Variants in LMNTD1 observed in about 807,000 individuals in gnomAD.
LMNTD1 encodes lamin tail domain-containing protein 1.
A neutral mutation model predicts 50.9 loss-of-function variants in LMNTD1; 35 were observed. That is an observed-to-expected ratio of 0.69 (90% CI 0.53 to 0.91). LMNTD1 has a LOEUF of 0.91. LMNTD1 is among the 40% of genes least tolerant of loss of function. LMNTD1 has a pLI of 0.00. For synonymous variants in LMNTD1, 153 were observed against 161.9 expected (o/e 0.94, Z 0.42); for missense variants, 470 against 475.5 (o/e 0.99, Z 0.11).
chr12:25,540,775 G>C (rs1373719964), intron 4 of LMNTD1, among the ~76,000 whole-genome samples: 3 of 135,464 alleles, frequency 2.2e-5, no homozygotes, highest in African/African-American at 8.1e-5. Context: ...AGGAAAAGAG[G>C]AAGTCAAACT....
At chr12:25,531,255 A>G (rs1425992348) in intron 4 of LMNTD1, among the ~76,000 whole-genome samples, 1 of 152,244 alleles carries the variant, frequency 6.6e-6, no homozygotes, top group African/African-American at 2.4e-5. Context: ...TTTATGGCCT[A>G]GAGAACTATG....
chr12:25,562,477 G>C (rs1944373664), intron 1 of LMNTD1, among the ~76,000 whole-genome samples: 1 of 152,180 alleles, frequency 6.6e-6, no homozygotes, highest in African/African-American at 2.4e-5. Context: ...ACTCTCTTCT[G>C]GCTTGGAGAG....
chr12:25,522,066 C>T (rs1160526922), intron 6 of LMNTD1, among the ~76,000 whole-genome samples: 1 of 152,168 alleles, frequency 6.6e-6, no homozygotes, highest in Non-Finnish European at 1.5e-5. Flanking sequence ...CTTTGAACAT[C>T]CCTCTGCTTG....
intron 1 of LMNTD1, among the ~76,000 whole-genome samples, chr12:25,613,442 ACTT>A (rs1946290181): frequency 6.6e-6 from 1 of 152,194 alleles, no homozygotes; most frequent in Non-Finnish European, 1.5e-5. Flanking sequence ...TGATCAATCT[ACTT>A]CTTGCAGTTG....
chr12:25,570,664 G>C (rs10505965), intron 1 of LMNTD1, among the ~76,000 whole-genome samples: 8,842 of 152,162 alleles, frequency 0.058, 337 homozygotes, highest in South Asian at 0.13. Context: ...GGAGAGCCTT[G>C]AACACCAGGC....
At chr12:25,550,337 A>T (rs1311682730) in intron 2 of LMNTD1, among the ~76,000 whole-genome samples, 1 of 152,160 alleles carries the variant, frequency 6.6e-6, no homozygotes, top group Non-Finnish European at 1.5e-5. Context: ...AAGACTTAGG[A>T]CGTTTCATTT....
chr12:25,618,256 T>A (rs551308040), intron 1 of LMNTD1, among the ~76,000 whole-genome samples: 195 of 152,286 alleles, frequency 1.3e-3, no homozygotes, highest in Non-Finnish European at 2.4e-3. Flanking sequence ...TTTTAGAAAG[T>A]TCCAAGTGCC....
chr12:25,577,174 G>C (rs1945061027), intron 1 of LMNTD1, among the ~76,000 whole-genome samples: 1 of 152,236 alleles, frequency 6.6e-6, no homozygotes, highest in African/African-American at 2.4e-5. Flanking sequence ...TGGCAATGCA[G>C]TCTCTTTATT....
intron 1 of LMNTD1, chr12:25,630,766 G>C (rs1946699960): frequency 6.6e-6 from 1 of 152,452 alleles, no homozygotes; most frequent in Admixed American, 6.5e-5. Flanking sequence ...ACTTCACAGG[G>C]AGAAGGAAAT....
chr12:25,646,638 C>G (rs946834965), intron 1 of LMNTD1, among the ~76,000 whole-genome samples: 2 of 152,124 alleles, frequency 1.3e-5, no homozygotes, highest in Non-Finnish European at 2.9e-5. Context: ...AAAAGGTAGC[C>G]TGGGAGTATG....
Position 25,494,861 on chromosome 12 carries a change from A to C in LMNTD1, c.*22+8877T>G, listed in dbSNP as rs562358947. ...CATTTGTTTCGTGGCAAAAACATAT[A>C]AGATCTACTCTTTTAGCAACTTTCA... On this transcript the variant is annotated intron_variant, in intron 9 of 9. Transcript: ENST00000458174. Among the ~76,000 whole-genome samples the C allele has an allele frequency of 1.4e-4, 22 of 152,272 alleles. No homozygotes were observed. In the South Asian group the frequency reaches 4.4e-3, roughly 30 times the overall value.
At chr12:25,630,191 TA>T (rs1256188793) in intron 1 of LMNTD1, among the ~76,000 whole-genome samples, 1 of 151,874 alleles carries the variant, frequency 6.6e-6, no homozygotes, top group Non-Finnish European at 1.5e-5. Flanking sequence ...ATCAAACAAA[TA>T]AAAAAACAAA....
Position 25,608,398 on chromosome 12 carries a change from C to T in LMNTD1, c.58+40096G>A, listed in dbSNP as rs375795796. 4.6e-5 allele frequency among the ~76,000 whole-genome samples: 7 copies of T among 152,090 alleles called. No individual in the cohort carries two copies. The East Asian group carries it at 5.8e-4, about 13-fold the overall frequency. On this transcript the variant is annotated intron_variant, in intron 1 of 7. Coordinates refer to the LMNTD1 transcript ENST00000445693. The stretch of plus-strand genomic sequence containing the variant: ...TTATGATGTTAGCTGGTTATTTTGC[C>T]GGTTACTTTATGCAGCTTCTTCCTA...
intron 4 of LMNTD1, among the ~76,000 whole-genome samples, chr12:25,542,732 A>T (rs1351580499): frequency 1.7e-5 from 2 of 119,738 alleles, no homozygotes; most frequent in Non-Finnish European, 3.6e-5. Context: ...AAAAATAAAT[A>T]AATTAAATAA....
rs538408915 is a variant in LMNTD1 at position 25,492,462 on chromosome 12, C to T, written c.*22+11276G>A. 4.6e-5 allele frequency among the ~76,000 whole-genome samples: 7 copies of T among 152,160 alleles called. 1 individual carries two copies. Among genetic ancestry groups the T allele is most frequent in the African/African-American group, 1.2e-4 (5 of 41,514 alleles). ...ATTTTTAGGGGAAAAAAACTTGTCA[C>T]GAATATTTTATGCTTTGTTCATTCA... is the stretch of plus-strand genomic sequence containing the variant. On this transcript the variant is annotated intron_variant, in intron 9 of 9. Coordinates refer to ENST00000458174, the MANE Select transcript of LMNTD1 (RefSeq NM_001145728.2).
intron 1 of LMNTD1, among the ~76,000 whole-genome samples, chr12:25,624,105 C>G (rs1039480215): frequency 2.0e-5 from 3 of 152,216 alleles, no homozygotes; most frequent in African/African-American, 7.2e-5. Context: ...GGACCTCCAG[C>G]AATGCTCATT....
At chr12:25,637,649 C>A (rs894691992) in intron 1 of LMNTD1, among the ~76,000 whole-genome samples, 1 of 150,092 alleles carries the variant, frequency 6.7e-6, no homozygotes, top group African/African-American at 2.5e-5. Flanking sequence ...TTAAGCACAC[C>A]AACTTCATTA....
intron 8 of LMNTD1, 147 bp from the exon 9 acceptor site, chr12:25,503,947 A>G (rs921387368): frequency 1.6e-5 from 9 of 547,498 alleles, no homozygotes; most frequent in South Asian, 8.9e-5. Context: ...TTTCACTTGA[A>G]GAAGAAATTT....
At chr12:25,619,252 C>CTCTATATATATATA (rs1374134268) in intron 1 of LMNTD1, among the ~76,000 whole-genome samples, 11 of 84,440 alleles carry the variant, frequency 1.3e-4, no homozygotes, top group East Asian at 4.2e-4. Context: ...CTCTCTCTCT[C>CTCTATATATATATA]TATATATATA....
Sources: allele counts gnomAD v4.1 joint callset (sites outside exome capture counted in the v4.1 genomes callset), GRCh38; gene constraint gnomAD v4.1.1; transcripts MANE v1.5; gene names NCBI Gene and HGNC (gene_info 2026-07-23, HGNC 2026-07-21).